Variants in CALN1 observed in about 807,000 individuals in gnomAD.
CALN1 encodes the protein calneuron 1.
CALN1 carries 17 observed loss-of-function variants against 30.6 expected under a neutral mutation model. That is an observed-to-expected ratio of 0.56 (90% CI 0.38 to 0.83). CALN1 has a LOEUF of 0.83. CALN1 is among the 40% of genes least tolerant of loss of function. The pLI, the probability that CALN1 is intolerant of heterozygous loss-of-function variation, is 0.00. For synonymous variants in CALN1, 156 were observed against 131.4 expected (o/e 1.19, Z -1.28); for missense variants, 291 against 354.9 (o/e 0.82, Z 1.45).
chr7:72,314,384 C>CACATAT (rs1554365710), intron 2 of CALN1, among the ~76,000 whole-genome samples: 1 of 69,292 alleles, frequency 1.4e-5, no homozygotes, highest in Admixed American at 1.5e-4. Flanking sequence ...CACATATATA[C>CACATAT]ACATATATAT....
intron 1 of CALN1, among the ~76,000 whole-genome samples, chr7:72,411,570 C>T (rs931477762): frequency 2.6e-5 from 4 of 152,184 alleles, no homozygotes; most frequent in African/African-American, 9.6e-5. Context: ...AAAACTCAGG[C>T]AATGAGCACT....
intron 2 of CALN1, among the ~76,000 whole-genome samples, chr7:72,373,741 T>C (rs1477664962): frequency 2.0e-5 from 3 of 152,192 alleles, no homozygotes; most frequent in Non-Finnish European, 4.4e-5. Flanking sequence ...TCAAGAAGCG[T>C]CTGTATGTAA....
At chr7:72,369,549 C>T (rs1804096245) in intron 2 of CALN1, among the ~76,000 whole-genome samples, 1 of 151,788 alleles carries the variant, frequency 6.6e-6, no homozygotes, top group Admixed American at 6.6e-5. Flanking sequence ...TTAGTAGAGA[C>T]GGGGTTTCTC....
At chr7:72,205,551 A>AAATATATCCATATAT in intron 3 of CALN1, among the ~76,000 whole-genome samples, 1 of 83,052 alleles carries the variant, frequency 1.2e-5, no homozygotes, top group African/African-American at 7.5e-5. Context: ...GCAAAAAAAA[A>AAATATATCCATATAT]ATATATATAT....
At chr7:72,168,414 T>C (rs912217511) in intron 3 of CALN1, among the ~76,000 whole-genome samples, 3 of 152,212 alleles carry the variant, frequency 2.0e-5, no homozygotes, top group Non-Finnish European at 4.4e-5. Context: ...CATACGTATT[T>C]ATGTTTGGCA....
intron 3 of CALN1, among the ~76,000 whole-genome samples, chr7:72,133,903 T>C (rs1432251073): frequency 3.9e-5 from 6 of 152,320 alleles, no homozygotes; most frequent in Non-Finnish European, 7.4e-5. Context: ...TTAAAAAATA[T>C]CCAAGTGGTG....
rs370352133 is a variant in CALN1, at chr7:72,195,185, A to G, written c.244+83501T>C. The stretch of plus-strand genomic sequence containing the variant: ...GTCTTACAGACACTCCACTCACCTA[A>G]TATCTGTGCAGACACACTCATCTTT... On this transcript the variant is annotated intron_variant, in intron 3 of 6. Transcript: ENST00000395275. Among the ~76,000 whole-genome samples, 5 of 152,184 alleles carry G rather than the reference A, an allele frequency of 3.3e-5. No individual in the cohort carries two copies. In the East Asian group the frequency reaches 7.8e-4, roughly 24 times the overall value.
intron 5 of CALN1, among the ~76,000 whole-genome samples, chr7:71,871,774 A>C (rs1457983608): frequency 6.6e-6 from 1 of 151,642 alleles, no homozygotes; most frequent in African/African-American, 2.4e-5. Flanking sequence ...CTCCACTCTT[A>C]TGTTTTTTTT....
rs79720919 is a variant in CALN1 at position 72,163,421 on chromosome 7, T to C, written c.245-57127A>G. Among the ~76,000 whole-genome samples the C allele has an allele frequency of 1.4e-3, 158 of 113,502 alleles. No individual in the cohort carries two copies. In the East Asian group the frequency reaches 0.021, roughly 15 times the overall value. The allele number at this position is 113,502 out of a possible 152,430, so 74.5% of individuals were successfully genotyped here. On this transcript the variant is annotated intron_variant, in intron 3 of 6. Transcript: ENST00000395275. ...AAAAAAAAAAAAAAACAGAAAAACATGTCACATAGTGGAAAACACAGTCAA... is the reference window on the plus strand; with the variant it reads ...AAAAAAAAAAAAAAACAGAAAAACACGTCACATAGTGGAAAACACAGTCAA...
At chr7:71,994,851 A>ATTT (rs564198396) in intron 5 of CALN1, among the ~76,000 whole-genome samples, 3 of 123,164 alleles carry the variant, frequency 2.4e-5, no homozygotes, top group African/African-American at 6.0e-5. Flanking sequence ...GCCCCTTCCT[A>ATTT]TTTTTTTTTT....
intron 2 of CALN1, among the ~76,000 whole-genome samples, chr7:72,381,821 AC>A (rs1804920809): frequency 6.6e-6 from 1 of 152,214 alleles, no homozygotes; most frequent in African/African-American, 2.4e-5. Flanking sequence ...TACTTATGTA[AC>A]CTGCACGTTC....
chr7:71,826,520 C>T (rs1788926445), intron 5 of CALN1, among the ~76,000 whole-genome samples: 1 of 152,190 alleles, frequency 6.6e-6, no homozygotes, highest in South Asian at 2.1e-4. Context: ...AGGGTGTCCC[C>T]AGTCTCTGCT....
intron 3 of CALN1, among the ~76,000 whole-genome samples, chr7:72,218,085 G>T (rs894789878): frequency 6.6e-6 from 1 of 151,014 alleles, no homozygotes. Flanking sequence ...CTCGTGATCC[G>T]CCCTCCTCGG....
intron 5 of CALN1, among the ~76,000 whole-genome samples, chr7:72,018,164 G>A (rs1354379178): frequency 1.3e-5 from 2 of 152,106 alleles, no homozygotes; most frequent in Non-Finnish European, 1.5e-5. Flanking sequence ...TCTTTCCTCT[G>A]CCACTTGGGG....
intron 5 of CALN1, among the ~76,000 whole-genome samples, chr7:71,945,366 A>G (rs754051808): frequency 6.6e-6 from 1 of 152,228 alleles, no homozygotes; most frequent in African/African-American, 2.4e-5. Context: ...AAGATACACA[A>G]AACAACGCAG....
At chr7:72,078,162 A>G (rs1433615458) in intron 4 of CALN1, among the ~76,000 whole-genome samples, 2 of 152,140 alleles carry the variant, frequency 1.3e-5, no homozygotes, top group East Asian at 3.9e-4. Flanking sequence ...TTAGAAAAGC[A>G]TATGTTTGGT....
At chr7:71,938,013 A>C (rs1427504132) in intron 5 of CALN1, among the ~76,000 whole-genome samples, 2 of 152,352 alleles carry the variant, frequency 1.3e-5, no homozygotes, top group East Asian at 3.9e-4. Flanking sequence ...GGTTAGGGAA[A>C]GACTGACGTT....
rs1309247372 is a variant in CALN1 at position 72,140,350 on chromosome 7, G to T, written c.245-34056C>A. ...AAGGGAGAAGGAAGGAAGGGAGGGA[G>T]GGAGGGAGGGAGGGAGGGAGGGAGG... On this transcript the variant is annotated intron_variant, in intron 3 of 6. Transcript: ENST00000395275. Among the ~76,000 whole-genome samples, 5 of 58,420 alleles carry T rather than the reference G, an allele frequency of 8.6e-5. 1 individual carries two copies. The South Asian group carries it at 3.7e-3, about 44-fold the overall frequency. The allele number at this position is 58,420 out of a possible 152,430, so 38.3% of individuals were successfully genotyped here.
At chr7:72,389,338 T>C (rs144454587) in intron 2 of CALN1, among the ~76,000 whole-genome samples, 2 of 152,356 alleles carry the variant, frequency 1.3e-5, no homozygotes, top group Non-Finnish European at 2.9e-5. Flanking sequence ...TTCTGTTTCA[T>C]AGCCTCCTTC....
Sources: gnomAD v4.1 joint callset for allele counts (sites outside exome capture counted in the v4.1 genomes callset) on GRCh38, gnomAD v4.1.1 for gene constraint, MANE v1.5 for transcripts, NCBI Gene and HGNC (gene_info 2026-07-23, HGNC 2026-07-21) for gene names.